Variants in NAV3 observed in about 807,000 individuals in gnomAD.
The protein encoded by NAV3 is pore membrane and/or filament interacting like protein 1.
In NAV3, 87 loss-of-function variants were observed where a neutral mutation model predicts 244.7. The observed-to-expected ratio is 0.36, with a 90% CI of 0.30 to 0.42. NAV3 has a LOEUF of 0.42. Among genes scored for constraint, NAV3 ranks in the 20% least tolerant of loss-of-function variants. The pLI, the probability that NAV3 is intolerant of heterozygous loss-of-function variation, is 1.00. For synonymous variants in NAV3, 1,126 were observed against 1,042.2 expected (o/e 1.08, Z -1.55); for missense variants, 2,663 against 2,893.3 (o/e 0.92, Z 1.83).
At chr12:78,147,670 C>T (rs1036256684) in intron 21 of NAV3, among the ~76,000 whole-genome samples, 1 of 150,758 alleles carries the variant, frequency 6.6e-6, no homozygotes, top group Non-Finnish European at 1.5e-5. Flanking sequence ...ATATAAGTGT[C>T]TACTGTTTCC....
At chr12:78,163,142 C>T (rs1023396890) in intron 23 of NAV3, among the ~76,000 whole-genome samples, 1 of 151,366 alleles carries the variant, frequency 6.6e-6, no homozygotes, top group Non-Finnish European at 1.5e-5. Flanking sequence ...TAAATTAAGA[C>T]TCAGATTCTA....
chr12:77,850,240 C>T (rs560963516), intron 1 of NAV3, among the ~76,000 whole-genome samples: 8 of 152,254 alleles, frequency 5.3e-5, no homozygotes, highest in South Asian at 4.1e-4. Context: ...CTTGTCAGAA[C>T]GTAACTAGTG....
chr12:78,153,091 G>A (rs753907216), intron 22 of NAV3, among the ~76,000 whole-genome samples: 2 of 151,784 alleles, frequency 1.3e-5, no homozygotes, highest in Admixed American at 6.6e-5. Context: ...ATATTAATTG[G>A]TATATCGCAT....
chr12:77,641,186 A>G (rs1346503399), intron 2 of NAV3, among the ~76,000 whole-genome samples: 1 of 152,018 alleles, frequency 6.6e-6, no homozygotes, highest in Non-Finnish European at 1.5e-5. Flanking sequence ...TTTTTTTCTC[A>G]AAAGCATTTA....
At chr12:77,721,256 A>G (rs1188310391) in intron 2 of NAV3, among the ~76,000 whole-genome samples, 1 of 152,122 alleles carries the variant, frequency 6.6e-6, no homozygotes, top group Non-Finnish European at 1.5e-5. Flanking sequence ...AAGGTTATTT[A>G]TTATATATAA....
chr12:77,711,756 C>T (rs1274202583), intron 2 of NAV3, among the ~76,000 whole-genome samples: 1 of 152,182 alleles, frequency 6.6e-6, no homozygotes, highest in East Asian at 1.9e-4. Flanking sequence ...CCACTAGGAA[C>T]TAAGCAGCCA....
rs1956044839 is a variant in NAV3 at position 78,128,921 on chromosome 12, C to A, written c.4441+55C>A. 3 of 1,536,842 alleles carry A rather than the reference C, an allele frequency of 2.0e-6. No individual in the cohort carries two copies. In the South Asian group the frequency reaches 3.6e-5, roughly 18 times the overall value. On this transcript the variant is annotated intron_variant, in intron 18 of 39. Transcript: ENST00000397909. The stretch of plus-strand genomic sequence containing the variant: ...TTGTTTCTTTCACCACCCACTCTCA[C>A]AGAAACCCTGGAATCTCTCCATAAC...
At chr12:77,751,063 T>C (rs1425732033) in intron 2 of NAV3, among the ~76,000 whole-genome samples, 1 of 152,218 alleles carries the variant, frequency 6.6e-6, no homozygotes, top group Non-Finnish European at 1.5e-5. Context: ...TTTTGTTATG[T>C]ATAGTTTCAC....
intron 34 of NAV3, among the ~76,000 whole-genome samples, chr12:78,190,843 C>T (rs879886733): frequency 6.6e-6 from 1 of 152,068 alleles, no homozygotes; most frequent in Non-Finnish European, 1.5e-5. Flanking sequence ...AGGGCCTATA[C>T]GGCGTAGCCT....
chr12:77,997,781 T>A (rs896632824), intron 6 of NAV3, among the ~76,000 whole-genome samples: 2 of 152,232 alleles, frequency 1.3e-5, no homozygotes, highest in Admixed American at 6.5e-5. Flanking sequence ...ACTCATGACC[T>A]GGGTCTTGGT....
intron 2 of NAV3, among the ~76,000 whole-genome samples, chr12:77,731,627 A>G (rs921766000): frequency 2.6e-5 from 4 of 152,016 alleles, no homozygotes; most frequent in Non-Finnish European, 5.9e-5. Context: ...AATGGGAAAC[A>G]GCATGGATAT....
intron 2 of NAV3, among the ~76,000 whole-genome samples, chr12:77,671,651 C>T (rs535572383): frequency 5.9e-5 from 9 of 152,114 alleles, no homozygotes; most frequent in African/African-American, 1.9e-4. Context: ...CAAACAAAAA[C>T]GCAGAGTGGG....
At chr12:78,130,639 G>A (rs1380769663) in intron 18 of NAV3, 1 of 154,184 alleles carries the variant, frequency 6.5e-6, no homozygotes, top group African/African-American at 2.4e-5. Flanking sequence ...TTTGAAACAA[G>A]GCTGGAAAAA....
chr12:77,711,206 A>T (rs568658115), intron 2 of NAV3, among the ~76,000 whole-genome samples: 2 of 152,324 alleles, frequency 1.3e-5, no homozygotes, highest in African/African-American at 4.8e-5. Flanking sequence ...TCTTTTTCTT[A>T]CTTTGCGTCA....
At chr12:78,062,766 C>T (rs1162453968) in intron 12 of NAV3, among the ~76,000 whole-genome samples, 2 of 152,002 alleles carry the variant, frequency 1.3e-5, no homozygotes, top group African/African-American at 2.4e-5. Flanking sequence ...TTTTGTGGTT[C>T]CCAACTACTT....
intron 1 of NAV3, among the ~76,000 whole-genome samples, chr12:77,866,063 G>A (rs1283560040): frequency 6.6e-6 from 1 of 151,834 alleles, no homozygotes; most frequent in East Asian, 1.9e-4. Flanking sequence ...ACTTTGCAAA[G>A]AGTAATTAAT....
At chr12:78,037,808 T>C (rs1282008989) in intron 9 of NAV3, among the ~76,000 whole-genome samples, 1 of 152,200 alleles carries the variant, frequency 6.6e-6, no homozygotes, top group Non-Finnish European at 1.5e-5. Flanking sequence ...TGGGTAAATT[T>C]TCTGTAGAGT....
chr12:78,209,993 G>A (rs545142927), intron 39 of NAV3, among the ~76,000 whole-genome samples: 9 of 152,156 alleles, frequency 5.9e-5, no homozygotes, highest in South Asian at 2.1e-4. Context: ...CTCTGTGTGC[G>A]TCTGTGTGTG....
intron 4 of NAV3, among the ~76,000 whole-genome samples, chr12:77,968,091 G>T (rs886372928): frequency 6.6e-6 from 1 of 152,108 alleles, no homozygotes; most frequent in Non-Finnish European, 1.5e-5. Context: ...ATAAATGCAG[G>T]ACAACCAACA....
Sources: allele counts gnomAD v4.1 joint callset (sites outside exome capture counted in the v4.1 genomes callset), GRCh38; gene constraint gnomAD v4.1.1; transcripts MANE v1.5; gene names NCBI Gene and HGNC (gene_info 2026-07-23, HGNC 2026-07-21).